The following MRPL13 variants were observed in gnomAD, a reference collection of about 807,000 sequenced individuals.
MRPL13 encodes the protein mitochondrial ribosomal protein L13.
In MRPL13, 33 loss-of-function variants were observed where a neutral mutation model predicts 29.0. That is an observed-to-expected ratio of 1.14 (90% CI 0.86 to 1.52). The LOEUF (loss-of-function observed/expected upper bound fraction) is 1.52, where lower values mean the gene tolerates loss of function less well. Among genes scored for constraint, MRPL13 ranks in the 40% most tolerant of loss-of-function variants. The probability of loss-of-function intolerance (pLI) is 0.00; values close to 1 mark genes in which losing one functional copy is unlikely to be tolerated. For missense variants in MRPL13, 227 were observed against 216.7 expected (o/e 1.05, Z -0.30); for synonymous variants, 77 against 68.4 (o/e 1.13, Z -0.62).
chr8:120,406,556 TG>T (rs1019605375), intron 6 of MRPL13, among the ~76,000 whole-genome samples: 2 of 1,392 alleles, frequency 1.4e-3, no homozygotes, highest in African/African-American at 2.4e-3. Flanking sequence ...TATGTGTGCA[TG>T]TGTGTGTGTG....
intron 2 of MRPL13, among the ~76,000 whole-genome samples, chr8:120,433,151 T>C (rs909325309): frequency 6.6e-6 from 1 of 152,066 alleles, no homozygotes; most frequent in African/African-American, 2.4e-5. Context: ...CCTGGGAAGC[T>C]TGCTGTTATT....
chr8:120,441,020 TGA>T (rs1364351489), intron 2 of MRPL13, among the ~76,000 whole-genome samples: 1 of 152,000 alleles, frequency 6.6e-6, no homozygotes, highest in African/African-American at 2.4e-5. Flanking sequence ...TGTGTGTGTG[TGA>T]GTGTATATAT....
chr8:120,422,616 A>G (rs1488534739), intron 4 of MRPL13, among the ~76,000 whole-genome samples: 1 of 148,738 alleles, frequency 6.7e-6, no homozygotes, highest in East Asian at 1.9e-4. Context: ...ATATATATAA[A>G]CTTATATATT....
At chr8:120,426,230 G>T (rs1812930811) in intron 3 of MRPL13, among the ~76,000 whole-genome samples, 1 of 152,058 alleles carries the variant, frequency 6.6e-6, no homozygotes. Flanking sequence ...AAGAAAGGGG[G>T]AAGAAATTGG....
At chr8:120,411,198 A>T (rs1228755302) in intron 6 of MRPL13, among the ~76,000 whole-genome samples, 1 of 152,080 alleles carries the variant, frequency 6.6e-6, no homozygotes, top group Non-Finnish European at 1.5e-5. Context: ...AGTAGCTGGG[A>T]CTACAGGTGT....
At chr8:120,418,969 T>C (rs1171823123) in intron 5 of MRPL13, among the ~76,000 whole-genome samples, 1 of 152,026 alleles carries the variant, frequency 6.6e-6, no homozygotes, top group Non-Finnish European at 1.5e-5. Context: ...CATAAATAGC[T>C]TGAAAAATCG....
chr8:120,407,791 G>A (rs956582248), intron 6 of MRPL13, among the ~76,000 whole-genome samples: 5 of 152,120 alleles, frequency 3.3e-5, no homozygotes, highest in African/African-American at 1.2e-4. Flanking sequence ...TGTAGCTTAA[G>A]TGTAATAAAT....
intron 1 of MRPL13, chr8:120,444,844 A>C: frequency 3.1e-5 from 11 of 352,054 alleles, no homozygotes; most frequent in East Asian, 1.5e-4. Context: ...CCCCCCCAAG[A>C]AAGACATGAA....
At chr8:120,441,902 AT>A (rs1359852794) in intron 2 of MRPL13, among the ~76,000 whole-genome samples, 4 of 152,220 alleles carry the variant, frequency 2.6e-5, no homozygotes, top group Non-Finnish European at 5.9e-5. Flanking sequence ...TGAATAAAAA[AT>A]ATATGATAAA....
chr8:120,434,042 T>C (rs1299935926), intron 2 of MRPL13, among the ~76,000 whole-genome samples: 1 of 152,082 alleles, frequency 6.6e-6, no homozygotes, highest in Non-Finnish European at 1.5e-5. Flanking sequence ...TCTAACTTTA[T>C]CTGACTCCTC....
chr8:120,419,319 AAAGTT>A (rs1481058717), intron 5 of MRPL13, among the ~76,000 whole-genome samples: 7 of 151,976 alleles, frequency 4.6e-5, no homozygotes, highest in Admixed American at 1.3e-4. Context: ...ATTAAGGAGA[AAAGTT>A]AAGTACTTAA....
intron 4 of MRPL13, among the ~76,000 whole-genome samples, chr8:120,420,270 C>G (rs1812854411): frequency 6.6e-6 from 1 of 151,224 alleles, no homozygotes; most frequent in East Asian, 1.9e-4. Context: ...CCCACTAAAA[C>G]AATACATGTT....
chr8:120,443,347 A>G, intron 1 of MRPL13, 39 bp from the exon 2 acceptor site: 1 of 1,467,478 alleles, frequency 6.8e-7, no homozygotes, highest in African/African-American at 1.4e-5. Flanking sequence ...AGGAAAAAAT[A>G]AAGATAATTA....
intron 2 of MRPL13, among the ~76,000 whole-genome samples, chr8:120,439,382 G>T (rs1813091081): frequency 6.6e-6 from 1 of 152,180 alleles, no homozygotes; most frequent in Non-Finnish European, 1.5e-5. Flanking sequence ...TGTTAGATAA[G>T]CTTGTTATTA....
chr8:120,419,031 CAAG>C (rs1351081789), intron 5 of MRPL13, among the ~76,000 whole-genome samples: 1 of 151,948 alleles, frequency 6.6e-6, no homozygotes, highest in South Asian at 2.1e-4. Flanking sequence ...TCAGAAGGAA[CAAG>C]AAGGACAATT....
chr8:120,414,061 G>A lies in MRPL13; in HGVS notation c.445C>T (p.Arg149Ter), dbSNP rs757521875. 2.5e-5 allele frequency: 40 copies of A among 1,599,344 alleles called. No homozygotes were observed. The highest frequency in any genetic ancestry group is 2.8e-5 in the Non-Finnish European group (33 of 1,174,204). The change falls in exon 6 of 7, where the codon CGA (arginine) becomes TGA (stop). Residue 149 changes from arginine to a stop codon, truncating the protein, a stop_gained. Transcript: ENST00000306185. LOFTEE classifies it high-confidence loss of function. ...TCATCTAGACGTTTAGGTATTTTTC[G>A]TGGTTGAGGAAGCTCCTCTACTAAA... ...KNLVEELPQP[R>*]KIPKRLDEYT...
Position 120,419,847 on chromosome 8 carries a change from C to CT in MRPL13, c.393+4dup, listed in dbSNP as rs1812848851. ...AAGCATTGTTACCAATGACCACTGACTTACCTCATCTGGAAAAAGATGCAA... is the reference window on the plus strand; with the variant it reads ...AAGCATTGTTACCAATGACCACTGACTTTACCTCATCTGGAAAAAGATGCAA... On this transcript the variant is annotated splice_donor_region_variant and intron_variant, in intron 5 of 6. Transcript: ENST00000306185. 4 of 1,587,408 alleles carry CT rather than the reference C, an allele frequency of 2.5e-6. 1 individual carries two copies. The South Asian group carries it at 4.7e-5, about 18-fold the overall frequency.
At chr8:120,415,831 T>C (rs1255105955) in intron 5 of MRPL13, 2 of 151,688 alleles carry the variant, frequency 1.3e-5, no homozygotes, top group Non-Finnish European at 1.5e-5. Context: ...TGAAGGCGCC[T>C]ACCTGTCAGA....
At chr8:120,425,256 T>C in intron 4 of MRPL13, 50 bp downstream of exon 4, 1 of 1,380,216 alleles carries the variant, frequency 7.2e-7, no homozygotes, top group Non-Finnish European at 1.0e-6. Flanking sequence ...CAAAACAGTA[T>C]CTGAATTGGT....
Sources: gnomAD v4.1 joint callset for allele counts (sites outside exome capture counted in the v4.1 genomes callset) on GRCh38, gnomAD v4.1.1 for gene constraint, MANE v1.5 for transcripts, NCBI Gene and HGNC (gene_info 2026-07-23, HGNC 2026-07-21) for gene names.